Variants in SRR observed in about 807,000 individuals in gnomAD.
SRR encodes serine racemase.
SRR carries 19 observed loss-of-function variants against 32.7 expected under a neutral mutation model. The ratio of observed to expected loss-of-function variants is 0.58; its 90% CI spans 0.40 to 0.85. SRR has a LOEUF of 0.85. SRR is among the 40% of genes least tolerant of loss of function. The pLI is 0.00. For synonymous variants in SRR, 142 were observed against 140.9 expected (o/e 1.01, Z -0.06); for missense variants, 373 against 404.7 (o/e 0.92, Z 0.67).
intron 4 of SRR, among the ~76,000 whole-genome samples, chr17:2,320,709 G>T (rs367957465): frequency 6.6e-6 from 1 of 152,152 alleles, no homozygotes; most frequent in East Asian, 1.9e-4. Flanking sequence ...TTACAGGCGC[G>T]TGCCACCACA....
rs77724683 is a variant in SRR at position 2,315,861 on chromosome 17, G to A, written c.168+133G>A. 5.8e-3 allele frequency: 5,359 copies of A among 929,030 alleles called. 164 individuals carry two copies. The African/African-American group carries it at 0.076, about 13-fold the overall frequency. 57.5% of individuals were successfully genotyped at this position (929,030 alleles called of 1,614,324 possible). ...TTATACAGCTGGAAAAAAGGTTACA[G>A]AAATTTTCCTTTCAAGTCCTTGTTT... On this transcript the variant is annotated intron_variant, in intron 2 of 7. Coordinates refer to ENST00000344595, the MANE Select transcript of SRR (RefSeq NM_021947.3).
intron 2 of SRR, among the ~76,000 whole-genome samples, chr17:2,316,527 A>G (rs2151433293): frequency 6.6e-6 from 1 of 152,212 alleles, no homozygotes; most frequent in East Asian, 1.9e-4. Context: ...ACATGGATAC[A>G]TTATCAATAT....
chr17:2,318,096 C>G, intron 3 of SRR, 100 bp downstream of exon 3: 2 of 1,304,612 alleles, frequency 1.5e-6, no homozygotes, highest in Non-Finnish European at 2.1e-6. Flanking sequence ...AGTAACTTTC[C>G]AAAGAAATCT....
chr17:2,324,613 C>T lies in SRR; in HGVS notation c.*740C>T, dbSNP rs776150178. On this transcript the variant is annotated 3_prime_UTR_variant, in exon 8 of 8. Coordinates refer to ENST00000344595, the MANE Select transcript of SRR (RefSeq NM_021947.3). The stretch of plus-strand genomic sequence containing the variant: ...AAACACATTAAAGACCAAGATGAAA[C>T]ATTTACCCACAAAATGTAAACCCAA... 2 of 1,614,036 alleles carry T rather than the reference C, an allele frequency of 1.2e-6. No individual in the cohort carries two copies. Among genetic ancestry groups the T allele is most frequent in the South Asian group, 1.1e-5 (1 of 91,078 alleles).
chr17:2,320,180 C>T (rs372639601), intron 4 of SRR, among the ~76,000 whole-genome samples: 6 of 149,014 alleles, frequency 4.0e-5, no homozygotes, highest in Middle Eastern at 3.5e-3. Flanking sequence ...ACGGTGGAAA[C>T]GAGAGTTCTT....
At chr17:2,310,152 G>T (rs183724275) in intron 1 of SRR, among the ~76,000 whole-genome samples, 1 of 152,244 alleles carries the variant, frequency 6.6e-6, no homozygotes, top group East Asian at 1.9e-4. Flanking sequence ...AGTACAAATT[G>T]AGGTTCTATC....
rs1459155636 is a variant in SRR at position 2,321,366 on chromosome 17, A to G, written c.460A>G (p.Asn154Asp). Residue 154 changes from asparagine (N) to aspartate (D), a missense_variant, in exon 5 of 8, where the codon AAC becomes GAC. Physicochemically the swap from Asn to Asp is conservative, Grantham distance 23. Transcript: ENST00000344595. ...AACAGAAGGCATCATGGTACATCCCAACCAGGAGCCTGCAGTGATAGCTGG... is the reference window on the plus strand; with the variant it reads ...AACAGAAGGCATCATGGTACATCCCGACCAGGAGCCTGCAGTGATAGCTGG... ...EETEGIMVHP[N>D]QEPAVIAGQG... 1 of 1,612,946 alleles carries G rather than the reference A, an allele frequency of 6.2e-7. No homozygotes were observed. The highest frequency in any genetic ancestry group is 1.7e-5 in the Admixed American group (1 of 59,736).
intron 1 of SRR, chr17:2,307,284 T>G (rs538640677): frequency 5.3e-6 from 6 of 1,139,766 alleles, no homozygotes; most frequent in Non-Finnish European, 7.9e-6. Context: ...GCCACAACTG[T>G]GAAATTAGGA....
chr17:2,311,230 G>T (rs1311951602), intron 1 of SRR, among the ~76,000 whole-genome samples: 3 of 152,094 alleles, frequency 2.0e-5, no homozygotes, highest in Non-Finnish European at 4.4e-5. Flanking sequence ...TTAAGAGACA[G>T]GGTCTTGCTC....
In SRR at chr17:2,318,854, G is replaced by C; in HGVS notation, c.324G>C (p.Gln108His). Residue 108 changes from glutamine to histidine, a missense_variant, in exon 4 of 8, where the codon CAG becomes CAC. Gln to His is a conservative substitution (Grantham distance 24). Transcript: ENST00000344595. ...EGIPAYIVVP[Q>H]TAPDCKKLAI... ...TTCCTGCTTATATTGTGGTGCCCCA[G>C]ACAGCTCCAGACTGTAAAAAACTTG... is the stretch of plus-strand genomic sequence containing the variant. 6.2e-6 allele frequency: 10 copies of C among 1,613,672 alleles called. No individual in the cohort carries two copies. Among genetic ancestry groups the C allele is most frequent in the African/African-American group, 1.3e-5 (1 of 74,944 alleles).
At chr17:2,308,557 C>A (rs2075410150) in intron 1 of SRR, among the ~76,000 whole-genome samples, 1 of 152,182 alleles carries the variant, frequency 6.6e-6, no homozygotes, top group African/African-American at 2.4e-5. Context: ...AGGAGTTACT[C>A]TTTTTAAAGA....
Position 2,321,322 on chromosome 17 carries a change from CAAA to C in SRR, c.419_421del (p.Lys140del). On this transcript the variant is annotated inframe_deletion, in exon 5 of 8. Coordinates refer to ENST00000344595, the MANE Select transcript of SRR (RefSeq NM_021947.3). ...TACTTTCAGTCCAGAGAAAATGTTGCAAAAAGAGTTACAGAAGAAACAGAAGGC... is the reference window on the plus strand; with the variant it reads ...TACTTTCAGTCCAGAGAAAATGTTGCAAGAGTTACAGAAGAAACAGAAGGC... The C allele has an allele frequency of 6.2e-7, 1 of 1,613,380 alleles. No homozygotes were observed. The highest frequency in any genetic ancestry group is 8.5e-7 in the Non-Finnish European group (1 of 1,179,852).
chr17:2,324,387 C>A lies in SRR; in HGVS notation c.*514C>A. The A allele has an allele frequency of 6.3e-7, 1 of 1,583,106 alleles. No homozygotes were observed. The highest frequency in any genetic ancestry group is 8.6e-7 in the Non-Finnish European group (1 of 1,166,588). ...TGGCCATGGGTACCTAGAAAGACAT[C>A]AGAACAAGTCGGTCAAATTAAAAGT... On this transcript the variant is annotated 3_prime_UTR_variant, in exon 8 of 8. Coordinates refer to ENST00000344595, the MANE Select transcript of SRR (RefSeq NM_021947.3).
chr17:2,304,547 C>T (rs962954543), intron 1 of SRR, among the ~76,000 whole-genome samples: 2 of 151,488 alleles, frequency 1.3e-5, no homozygotes, highest in African/African-American at 4.9e-5. Flanking sequence ...CCGGCCGCCC[C>T]CTGACTTTTA....
chr17:2,321,990 T>C (rs1323940205), intron 6 of SRR, among the ~76,000 whole-genome samples: 1 of 152,058 alleles, frequency 6.6e-6, no homozygotes, highest in Non-Finnish European at 1.5e-5. Context: ...ACCATGTTGG[T>C]CAGGCTGGTC....
In SRR at chr17:2,310,283, C is replaced by T. The variant is rs149086096; in HGVS notation, c.-4-5274C>T. On this transcript the variant is annotated intron_variant, in intron 1 of 7. Coordinates refer to ENST00000344595, the MANE Select transcript of SRR (RefSeq NM_021947.3). ...CAGGGTCTACATGTAGGAATGGAAT[C>T]GGTAGATCATAGGATGATTCTATGT... 3.3e-3 allele frequency among the ~76,000 whole-genome samples: 503 copies of T among 152,212 alleles called. 1 individual carries two copies. Among genetic ancestry groups the T allele is most frequent in the African/African-American group, 0.011 (474 of 41,538 alleles).
chr17:2,307,634 C>A lies in SRR; in HGVS notation c.-5+3617C>A, dbSNP rs931705536. 1.6e-5 allele frequency: 15 copies of A among 946,780 alleles called. No individual in the cohort carries two copies. In the African/African-American group the frequency reaches 2.1e-4, roughly 13 times the overall value. The allele number at this position is 946,780 out of a possible 1,614,324, so 58.6% of individuals were successfully genotyped here. ...GCTCTGGCCCCTATGGTGGTGCAGG[C>A]CAATACTTTACCAAACCACGAAACC... On this transcript the variant is annotated intron_variant, in intron 1 of 7. Coordinates refer to ENST00000344595, the MANE Select transcript of SRR (RefSeq NM_021947.3).
intron 1 of SRR, chr17:2,306,787 C>T: frequency 1.4e-6 from 1 of 698,642 alleles, no homozygotes; most frequent in African/African-American, 1.7e-5. Flanking sequence ...TCCTAAAGAG[C>T]TCGTACAGCT....
At chr17:2,319,748 C>T (rs1301749430) in intron 4 of SRR, among the ~76,000 whole-genome samples, 1 of 152,200 alleles carries the variant, frequency 6.6e-6, no homozygotes, top group Non-Finnish European at 1.5e-5. Context: ...CTCTCTGCAT[C>T]CACCCTTGCC....
Sources: allele counts gnomAD v4.1 joint callset (sites outside exome capture counted in the v4.1 genomes callset), GRCh38; gene constraint gnomAD v4.1.1; transcripts MANE v1.5; gene names NCBI Gene and HGNC (gene_info 2026-07-23, HGNC 2026-07-21).